Variants in RSU1 observed in about 807,000 individuals in gnomAD.
RSU1 encodes the protein Ras suppressor protein 1, also known as rsu-1.
In RSU1, 26 loss-of-function variants were observed where a neutral mutation model predicts 31.1. That is an observed-to-expected ratio of 0.84 (90% CI 0.61 to 1.16). The LOEUF (loss-of-function observed/expected upper bound fraction) is 1.16, where lower values mean the gene tolerates loss of function less well. Among genes scored for constraint, RSU1 ranks in the 50% most tolerant of loss-of-function variants. The pLI is 0.00. For synonymous variants in RSU1, 164 were observed against 136.3 expected, an observed-to-expected ratio of 1.20 and a Z score of -1.41; for missense variants, 320 against 339.1, an observed-to-expected ratio of 0.94 and a Z score of 0.44.
At chr10:16,714,980 G>A (rs561316603) in intron 7 of RSU1, among the ~76,000 whole-genome samples, 6 of 152,224 alleles carry the variant, frequency 3.9e-5, no homozygotes, top group African/African-American at 7.2e-5. Flanking sequence ...GGACTGCTGG[G>A]AATCACCAGC....
chr10:16,802,213 C>T (rs76077908), intron 2 of RSU1, among the ~76,000 whole-genome samples: 47,157 of 147,086 alleles, frequency 0.32, 9,728 homozygotes, highest in African/African-American at 0.6. Context: ...AAAGAACGAA[C>T]AAATTACAAA....
At chr10:16,703,928 G>C (rs537338644) in intron 7 of RSU1, among the ~76,000 whole-genome samples, 208 of 152,266 alleles carry the variant, frequency 1.4e-3, no homozygotes, top group African/African-American at 4.8e-3. Flanking sequence ...GTGTGCATCA[G>C]AATATTTTTT....
At chr10:16,771,587 C>T (rs1837425474) in intron 3 of RSU1, among the ~76,000 whole-genome samples, 2 of 152,118 alleles carry the variant, frequency 1.3e-5, no homozygotes, top group Non-Finnish European at 2.9e-5. Context: ...TAATTACATT[C>T]TTCAGCACTT....
At chr10:16,702,537 A>G (rs1055795041) in intron 7 of RSU1, among the ~76,000 whole-genome samples, 4 of 152,190 alleles carry the variant, frequency 2.6e-5, no homozygotes, top group African/African-American at 9.6e-5. Flanking sequence ...GTCAAGGGAG[A>G]TAATTTTGAT....
At chr10:16,738,558 T>G (rs1158591241) in intron 7 of RSU1, among the ~76,000 whole-genome samples, 1 of 151,842 alleles carries the variant, frequency 6.6e-6, no homozygotes, top group Non-Finnish European at 1.5e-5. Context: ...ATCATTGAAA[T>G]ACAAAACAAA....
intron 8 of RSU1, among the ~76,000 whole-genome samples, chr10:16,652,297 A>G (rs1053665009): frequency 6.7e-6 from 1 of 148,938 alleles, no homozygotes; most frequent in Admixed American, 6.8e-5. Context: ...TTCAAGAAGC[A>G]TGTCATCAGT....
intron 3 of RSU1, among the ~76,000 whole-genome samples, chr10:16,769,006 C>T (rs529878367): frequency 8.4e-4 from 128 of 152,234 alleles, no homozygotes; most frequent in Non-Finnish European, 1.4e-3. Context: ...ATACCTGCAA[C>T]AGGCATGTGC....
intron 7 of RSU1, among the ~76,000 whole-genome samples, chr10:16,739,615 T>TTTTC (rs1195796107): frequency 6.6e-6 from 1 of 151,508 alleles, no homozygotes. Flanking sequence ...GGACTACACA[T>TTTTC]TTTCTTTCTT....
intron 8 of RSU1, among the ~76,000 whole-genome samples, chr10:16,637,966 C>G (rs1453787453): frequency 6.6e-6 from 1 of 152,004 alleles, no homozygotes; most frequent in Non-Finnish European, 1.5e-5. Context: ...TCCAAAAAGA[C>G]CAAAGGAGAA....
At chr10:16,709,445 G>A (rs1043177400) in intron 7 of RSU1, among the ~76,000 whole-genome samples, 436 of 152,156 alleles carry the variant, frequency 2.9e-3, no homozygotes, top group Non-Finnish European at 5.0e-3. Context: ...GAATAGTGCC[G>A]CAATAAACAT....
intron 7 of RSU1, among the ~76,000 whole-genome samples, chr10:16,697,716 AAGC>A (rs1172677818): frequency 6.6e-6 from 1 of 152,116 alleles, no homozygotes; most frequent in East Asian, 1.9e-4. Flanking sequence ...GATGAAAAAA[AAGC>A]AGCAGAAGCC....
chr10:16,794,320 T>C (rs1837982859), intron 2 of RSU1, among the ~76,000 whole-genome samples: 1 of 152,180 alleles, frequency 6.6e-6, no homozygotes, highest in African/African-American at 2.4e-5. Context: ...ACTTGTACCA[T>C]AAAAGTACTA....
chr10:16,801,988 A>G (rs1462527773), intron 2 of RSU1, among the ~76,000 whole-genome samples: 1 of 152,072 alleles, frequency 6.6e-6, no homozygotes, highest in Non-Finnish European at 1.5e-5. Context: ...CACCAACCTA[A>G]TAAAATCAAT....
intron 8 of RSU1, among the ~76,000 whole-genome samples, chr10:16,670,814 G>T (rs1000775657): frequency 1.3e-5 from 2 of 152,038 alleles, no homozygotes; most frequent in Non-Finnish European, 1.5e-5. Context: ...ACCCAGGCTG[G>T]AGTCCAACGG....
intron 2 of RSU1, among the ~76,000 whole-genome samples, chr10:16,793,181 C>T (rs144766750): frequency 6.6e-6 from 1 of 152,174 alleles, no homozygotes; most frequent in East Asian, 1.9e-4. Context: ...GGGATGAAAG[C>T]TTTTCCTTAT....
At chr10:16,734,217 T>A (rs2131603399) in intron 7 of RSU1, among the ~76,000 whole-genome samples, 1 of 152,342 alleles carries the variant, frequency 6.6e-6, no homozygotes, top group East Asian at 1.9e-4. Flanking sequence ...TCTTTAAAGT[T>A]TAATATGTGA....
chr10:16,776,554 A>T (rs1837536739), intron 3 of RSU1, among the ~76,000 whole-genome samples: 1 of 151,986 alleles, frequency 6.6e-6, no homozygotes, highest in South Asian at 2.1e-4. Context: ...GCCATTTCCG[A>T]TGCATTAAAT....
intron 7 of RSU1, among the ~76,000 whole-genome samples, chr10:16,698,218 G>A (rs1380681078): frequency 6.6e-6 from 1 of 151,828 alleles, no homozygotes; most frequent in African/African-American, 2.4e-5. Context: ...ATAATGAGGG[G>A]AAGAGACTCC....
chr10:16,643,072 G>A (rs1834473734), intron 8 of RSU1, among the ~76,000 whole-genome samples: 1 of 152,190 alleles, frequency 6.6e-6, no homozygotes, highest in African/African-American at 2.4e-5. Flanking sequence ...AAACAGCACG[G>A]CTATGTAGAG....
Sources: gnomAD v4.1 joint callset for allele counts (sites outside exome capture counted in the v4.1 genomes callset) on GRCh38, gnomAD v4.1.1 for gene constraint, MANE v1.5 for transcripts, NCBI Gene and HGNC (gene_info 2026-07-23, HGNC 2026-07-21) for gene names.